The following PDE3A variants were observed in gnomAD, a reference collection of about 807,000 sequenced individuals.
PDE3A encodes the protein cGMP-inhibited 3',5'-cyclic phosphodiesterase 3A.
Under a neutral mutation model 98.3 loss-of-function variants are expected in PDE3A, and 43 were observed. That is an observed-to-expected ratio of 0.44 (90% CI 0.34 to 0.56). The LOEUF (loss-of-function observed/expected upper bound fraction) is 0.56. PDE3A is among the 20% of genes least tolerant of loss of function. PDE3A has a pLI of 0.01. For missense variants in PDE3A, 1,427 were observed against 1,440.7 expected, an observed-to-expected ratio of 0.99 and a Z score of 0.15; for synonymous variants, 663 against 567.9, an observed-to-expected ratio of 1.17 and a Z score of -2.38.
At chr12:20,594,469 T>G (rs781626872) in intron 2 of PDE3A, among the ~76,000 whole-genome samples, 11 of 152,090 alleles carry the variant, frequency 7.2e-5, no homozygotes, top group Non-Finnish European at 1.3e-4. Context: ...GGATAGCTTA[T>G]TTTTGTATAT....
At chr12:20,621,269 T>G in intron 4 of PDE3A, 27 bp from the exon 5 acceptor site, 1 of 1,269,464 alleles carries the variant, frequency 7.9e-7, no homozygotes, top group Non-Finnish European at 1.2e-6. Context: ...TAATTTTCTT[T>G]TAATTCTGTC....
At chr12:20,670,505 A>C (rs1490836903) in intron 15 of PDE3A, among the ~76,000 whole-genome samples, 1 of 152,212 alleles carries the variant, frequency 6.6e-6, no homozygotes, top group Non-Finnish European at 1.5e-5. Flanking sequence ...TATCTCTCAG[A>C]CCACAGTGCA....
At chr12:20,465,171 AG>A (rs1157068217) in intron 1 of PDE3A, among the ~76,000 whole-genome samples, 1 of 152,160 alleles carries the variant, frequency 6.6e-6, no homozygotes, top group Non-Finnish European at 1.5e-5. Context: ...AAGTCGATGA[AG>A]TTGGAGGTTG....
chr12:20,384,234 A>T (rs1403220407), intron 1 of PDE3A, among the ~76,000 whole-genome samples: 2 of 150,556 alleles, frequency 1.3e-5, no homozygotes, highest in Non-Finnish European at 3.0e-5. Context: ...ACCTTCCGGA[A>T]GATATACAAA....
In PDE3A at chr12:20,498,306, GT is replaced by G. The variant is rs1229201874; in HGVS notation, c.961-58353del. Among the ~76,000 whole-genome samples, 10 of 152,142 alleles carry G rather than the reference GT, an allele frequency of 6.6e-5. No homozygotes were observed. The South Asian group carries it at 1.9e-3, about 28-fold the overall frequency. ...CAACTGAAGGAAATGTAGGAACTCT[GT>G]ATAGTCAGCCTTCTGTATCCCTGGA... On this transcript the variant is annotated intron_variant, in intron 1 of 15. Transcript: ENST00000359062.
At chr12:20,628,548 C>G (rs1944315596) in intron 5 of PDE3A, among the ~76,000 whole-genome samples, 1 of 152,210 alleles carries the variant, frequency 6.6e-6, no homozygotes, top group East Asian at 1.9e-4. Context: ...TGTACTAGTA[C>G]TGTGACCTTG....
chr12:20,461,867 A>T (rs1231191801), intron 1 of PDE3A, among the ~76,000 whole-genome samples: 1 of 152,226 alleles, frequency 6.6e-6, no homozygotes, highest in African/African-American at 2.4e-5. Context: ...ATGGCTTATT[A>T]TTATCTCTCT....
chr12:20,433,699 T>C (rs1041436227), intron 1 of PDE3A, among the ~76,000 whole-genome samples: 2 of 152,186 alleles, frequency 1.3e-5, no homozygotes, highest in African/African-American at 4.8e-5. Context: ...GTAATTTTAG[T>C]AAGGTTAGGA....
At chr12:20,598,326 G>A (rs939737679) in intron 2 of PDE3A, among the ~76,000 whole-genome samples, 1 of 152,026 alleles carries the variant, frequency 6.6e-6, no homozygotes, top group South Asian at 2.1e-4. Context: ...GGGATTACAG[G>A]CTCCCACCAC....
At chr12:20,573,139 G>A (rs1309477663) in intron 2 of PDE3A, among the ~76,000 whole-genome samples, 2 of 152,022 alleles carry the variant, frequency 1.3e-5, no homozygotes, top group Admixed American at 6.6e-5. Context: ...AAACATAAAA[G>A]ATTTAAAATA....
intron 2 of PDE3A, among the ~76,000 whole-genome samples, chr12:20,569,968 T>C (rs1942756288): frequency 6.6e-6 from 1 of 152,206 alleles, no homozygotes; most frequent in Non-Finnish European, 1.5e-5. Context: ...AATTCAGTTC[T>C]GAGTACATAA....
In PDE3A at chr12:20,369,669, T is replaced by C; in HGVS notation, c.385T>C (p.Trp129Arg). 1 of 1,607,710 alleles carries C rather than the reference T, an allele frequency of 6.2e-7. No individual in the cohort carries two copies. The highest frequency in any genetic ancestry group is 1.1e-5 in the South Asian group (1 of 90,268). Residue 129 changes from tryptophan to arginine, a missense_variant, in exon 1 of 16, where the codon TGG (tryptophan) becomes CGG (arginine). By Grantham distance (101) the Trp-to-Arg change is moderately radical. This residue lies in a region of PDE3A where 1,012 missense variants were observed against 886.5 expected (regional missense o/e 1.14). Coordinates refer to ENST00000359062, the MANE Select transcript of PDE3A (RefSeq NM_000921.5). The stretch of plus-strand genomic sequence containing the variant: ...CGGGGGCGGTGCGCGGCTCAGCCCC[T>C]GGCTGCAGCCCTCGGCGCTGCTCTT... The part of the protein sequence containing the change: ...APGGGARLSP[W>R]LQPSALLFSL...
At chr12:20,422,214 C>T (rs188603295) in intron 1 of PDE3A, among the ~76,000 whole-genome samples, 143 of 151,992 alleles carry the variant, frequency 9.4e-4, no homozygotes, top group Middle Eastern at 3.4e-3. Flanking sequence ...GGCATGGTGG[C>T]GGGCACCTGT....
chr12:20,449,159 A>G (rs1350434058), intron 1 of PDE3A, among the ~76,000 whole-genome samples: 2 of 152,230 alleles, frequency 1.3e-5, no homozygotes, highest in African/African-American at 2.4e-5. Context: ...CCAGACCTAA[A>G]TGGTGAAAAG....
At chr12:20,661,524 G>GT (rs1163158389) in intron 15 of PDE3A, among the ~76,000 whole-genome samples, 1 of 152,164 alleles carries the variant, frequency 6.6e-6, no homozygotes, top group Non-Finnish European at 1.5e-5. Flanking sequence ...GGAAAAAGTG[G>GT]TTTAATGGGC....
At position 20,368,954 on chromosome 12, in the gene PDE3A, C is replaced by T. The variant is rs542941420; in HGVS notation, c.-331C>T. ...GGAAGAGACCCCGGAGGATATAAGT[C>T]GGGGGTGGGGGTGGAGCAGAGAATC... is the stretch of plus-strand genomic sequence containing the variant. On this transcript the variant is annotated 5_prime_UTR_variant, in exon 1 of 16. Transcript: ENST00000359062. Among the ~76,000 whole-genome samples, 2 of 151,564 alleles carry T rather than the reference C, an allele frequency of 1.3e-5. No homozygotes were observed. The highest frequency in any genetic ancestry group is 4.2e-4 in the South Asian group (2 of 4,778).
In PDE3A at chr12:20,368,586, A is replaced by T. The variant is rs1169667931; in HGVS notation, c.-699A>T. On this transcript the variant is annotated 5_prime_UTR_variant, in exon 1 of 16. Transcript: ENST00000359062. ...CTCCGACGGGACTTAGCAACTTCTT[A>T]TTTCTCAGCCCCTTGTCCATTTTTT... Among the ~76,000 whole-genome samples the T allele has an allele frequency of 6.8e-6, 1 of 147,362 alleles. No homozygotes were observed. The highest frequency in any genetic ancestry group is 1.5e-5 in the Non-Finnish European group (1 of 67,196).
chr12:20,651,693 T>C (rs1381762268), intron 14 of PDE3A, among the ~76,000 whole-genome samples: 3 of 152,162 alleles, frequency 2.0e-5, no homozygotes, highest in African/African-American at 7.2e-5. Context: ...TGACTGTCAT[T>C]GGACATGTTT....
At chr12:20,401,390 A>T (rs890309366) in intron 1 of PDE3A, among the ~76,000 whole-genome samples, 1 of 152,144 alleles carries the variant, frequency 6.6e-6, no homozygotes, top group Non-Finnish European at 1.5e-5. Context: ...TGAAATAAAT[A>T]CCTCCTTGTT....
Sources: gnomAD v4.1 joint callset for allele counts (sites outside exome capture counted in the v4.1 genomes callset) on GRCh38, gnomAD v4.1.1 for gene constraint, gnomAD v4.1.1 regional missense constraint, MANE v1.5 for transcripts, NCBI Gene and HGNC (gene_info 2026-07-23, HGNC 2026-07-21) for gene names.